The following STX17 variants were observed in gnomAD, a reference collection of about 807,000 sequenced individuals.
STX17 encodes syntaxin 17.
STX17 carries 29 observed loss-of-function variants against 35.9 expected under a neutral mutation model. That is an observed-to-expected ratio of 0.81 (90% CI 0.60 to 1.10). The LOEUF (loss-of-function observed/expected upper bound fraction) is 1.10, where lower values mean the gene tolerates loss of function less well. Among genes scored for constraint, STX17 ranks in the 50% least tolerant of loss-of-function variants. The pLI, the probability that STX17 is intolerant of heterozygous loss-of-function variation, is 0.00. For missense variants in STX17, 312 were observed against 352.3 expected (o/e 0.89, Z 0.92); for synonymous variants, 92 against 118.3 (o/e 0.78, Z 1.44).
intron 2 of STX17, among the ~76,000 whole-genome samples, chr9:99,917,847 A>G (rs1397780880): frequency 6.6e-6 from 1 of 152,230 alleles, no homozygotes; most frequent in African/African-American, 2.4e-5. Context: ...CAAGAGGCAG[A>G]AAACTCAAAA....
chr9:99,938,985 G>T (rs1015372180), intron 3 of STX17, among the ~76,000 whole-genome samples: 4 of 152,094 alleles, frequency 2.6e-5, no homozygotes, highest in African/African-American at 7.2e-5. Flanking sequence ...ATACGGCTTT[G>T]GAGAAGCTAT....
In STX17 at chr9:99,915,271, G is replaced by T. The variant is rs200409116; in HGVS notation, c.32G>T (p.Arg11Leu). 1.2e-6 allele frequency: 2 copies of T among 1,611,022 alleles called. No individual in the cohort carries two copies. Among genetic ancestry groups the T allele is most frequent in the South Asian group, 2.2e-5 (2 of 90,630 alleles). ...GAAGATGAAGAAAAAGTGAAATTACGCCGTCTTGAACCAGCTATCCAGAAA... is the reference window on the plus strand; with the variant it reads ...GAAGATGAAGAAAAAGTGAAATTACTCCGTCTTGAACCAGCTATCCAGAAA... MSEDEEKVKL[R>L]RLEPAIQKFI... The change falls in exon 2 of 8, where the codon CGC becomes CTC. Residue 11 changes from arginine to leucine, a missense_variant. Transcript: ENST00000259400.
At chr9:99,923,958 C>T (rs2118349476) in intron 2 of STX17, among the ~76,000 whole-genome samples, 1 of 152,294 alleles carries the variant, frequency 6.6e-6, no homozygotes, top group Non-Finnish European at 1.5e-5. Flanking sequence ...GTGATCATCT[C>T]TCTGGAAGCT....
intron 7 of STX17, among the ~76,000 whole-genome samples, chr9:99,968,177 T>C (rs995791129): frequency 6.6e-6 from 1 of 152,228 alleles, no homozygotes; most frequent in African/African-American, 2.4e-5. Context: ...AGATAGTTAG[T>C]GAATTGATTG....
intron 4 of STX17, among the ~76,000 whole-genome samples, chr9:99,954,782 A>G (rs1250087134): frequency 6.6e-6 from 1 of 152,108 alleles, no homozygotes; most frequent in African/African-American, 2.4e-5. Flanking sequence ...ATGTTGCCAC[A>G]TTTCCATGAG....
intron 4 of STX17, among the ~76,000 whole-genome samples, chr9:99,956,239 T>TTGTTTAAAACATAAAAGAAA (rs1829708520): frequency 6.6e-6 from 1 of 152,162 alleles, no homozygotes; most frequent in Non-Finnish European, 1.5e-5. Flanking sequence ...TCTTTTATGT[T>TTGTTTAAAACATAAAAGAAA]TGTTTAAAAT....
chr9:99,930,297 G>A (rs1337592006), intron 3 of STX17, among the ~76,000 whole-genome samples: 4 of 142,644 alleles, frequency 2.8e-5, no homozygotes, highest in East Asian at 4.3e-4. Flanking sequence ...AGACAGAGTC[G>A]CCCTCTGTCG....
intron 2 of STX17, among the ~76,000 whole-genome samples, chr9:99,923,107 T>C (rs554334684): frequency 1.3e-5 from 2 of 152,176 alleles, no homozygotes; most frequent in African/African-American, 4.8e-5. Flanking sequence ...TTTTCTCTCT[T>C]TCCTTTCCTC....
intron 2 of STX17, among the ~76,000 whole-genome samples, chr9:99,923,927 C>G (rs1481772345): frequency 6.6e-6 from 1 of 152,168 alleles, no homozygotes; most frequent in Non-Finnish European, 1.5e-5. Context: ...CCTGGAGACA[C>G]CACCCTTCAG....
chr9:99,933,471 G>A (rs1437967101), intron 3 of STX17, among the ~76,000 whole-genome samples: 2 of 152,090 alleles, frequency 1.3e-5, no homozygotes. Flanking sequence ...AGTCTTGTTG[G>A]GAAGTTGGGA....
chr9:99,944,184 TTCTC>T (rs1829428606), intron 3 of STX17, among the ~76,000 whole-genome samples: 1 of 152,140 alleles, frequency 6.6e-6, no homozygotes, highest in African/African-American at 2.4e-5. Flanking sequence ...TATTTATGCC[TTCTC>T]TATTTTTTAA....
At chr9:99,921,055 T>C (rs1218806511) in intron 2 of STX17, among the ~76,000 whole-genome samples, 1 of 152,192 alleles carries the variant, frequency 6.6e-6, no homozygotes, top group Non-Finnish European at 1.5e-5. Flanking sequence ...CATTTAATCC[T>C]TATAGCATCA....
chr9:99,912,491 G>T (rs1354028404), intron 1 of STX17, among the ~76,000 whole-genome samples: 2 of 152,038 alleles, frequency 1.3e-5, no homozygotes, highest in African/African-American at 4.8e-5. Context: ...TGAGTTGTTT[G>T]AGTTTCTCAT....
In STX17 at chr9:99,971,462, G is replaced by C. The variant is rs949203471; in HGVS notation, c.*2789G>C. 4.6e-5 allele frequency among the ~76,000 whole-genome samples: 7 copies of C among 151,898 alleles called. No homozygotes were observed. Reference sequence around the variant, plus strand: ...TTGTTTCAGTTTTTAAAATATGCCAGTTGCAACCCACTAAATTGATATCTA... The same window carrying C: ...TTGTTTCAGTTTTTAAAATATGCCACTTGCAACCCACTAAATTGATATCTA... On this transcript the variant is annotated 3_prime_UTR_variant, in exon 8 of 8. Coordinates refer to ENST00000259400, the MANE Select transcript of STX17 (RefSeq NM_017919.3).
intron 4 of STX17, among the ~76,000 whole-genome samples, chr9:99,957,557 A>G (rs958717252): frequency 6.6e-6 from 1 of 152,114 alleles, no homozygotes; most frequent in Non-Finnish European, 1.5e-5. Flanking sequence ...TTCCATTTCT[A>G]CTGTAACTAT....
In STX17 at chr9:99,928,846, A is replaced by G. The variant is rs1161395784; in HGVS notation, c.189+3A>G. 6.2e-7 allele frequency: 1 copy of G among 1,612,698 alleles called. No homozygotes were observed. The highest frequency in any genetic ancestry group is 8.5e-7 in the Non-Finnish European group (1 of 1,179,132). ...TCAATGCAGGACGTACAGTTCAGGT[A>G]AGGCTATTATATTTTTTCTGCTAAA... is the stretch of plus-strand genomic sequence containing the variant. On this transcript the variant is annotated splice_donor_region_variant and intron_variant, in intron 3 of 7. Transcript: ENST00000259400.
At position 99,970,477 on chromosome 9, in the gene STX17, T is replaced by C. The variant is rs1564078611; in HGVS notation, c.*1804T>C. On this transcript the variant is annotated 3_prime_UTR_variant, in exon 8 of 8. Coordinates refer to ENST00000259400, the MANE Select transcript of STX17 (RefSeq NM_017919.3). ...ACCTGTGAGGCTGGGATAATTACTT[T>C]TGAATTACACCTCTTCTCTAGTTTC... is the stretch of plus-strand genomic sequence containing the variant. The C allele has an allele frequency of 1.3e-5, 2 of 152,206 alleles. No individual in the cohort carries two copies. The highest frequency in any genetic ancestry group is 2.9e-5 in the Non-Finnish European group (2 of 68,056). The allele number at this position is 152,206 out of a possible 1,614,324, so 9.4% of individuals were successfully genotyped here. A position where few individuals can be genotyped will look rare whatever the true frequency, so the allele number is the denominator to read the frequency against.
intron 4 of STX17, among the ~76,000 whole-genome samples, chr9:99,955,856 T>G (rs1369949355): frequency 6.6e-6 from 1 of 152,058 alleles, no homozygotes; most frequent in Non-Finnish European, 1.5e-5. Flanking sequence ...CAGTTACAAT[T>G]TTTTACTTCT....
At chr9:99,952,546 C>T (rs991859366) in intron 4 of STX17, among the ~76,000 whole-genome samples, 1 of 152,082 alleles carries the variant, frequency 6.6e-6, no homozygotes, top group Non-Finnish European at 1.5e-5. Flanking sequence ...ACCCAAAGGA[C>T]TATAAATCAT....
Sources: allele counts gnomAD v4.1 joint callset (sites outside exome capture counted in the v4.1 genomes callset), GRCh38; gene constraint gnomAD v4.1.1; transcripts MANE v1.5; gene names NCBI Gene and HGNC (gene_info 2026-07-23, HGNC 2026-07-21).